LIMCH1: variants seen among roughly 807,000 people sequenced by gnomAD.
The protein encoded by LIMCH1 is LIM and calponin homology domains-containing protein 1.
In LIMCH1, 113 loss-of-function variants were observed where a neutral mutation model predicts 176.5. The ratio of observed to expected loss-of-function variants is 0.64; its 90% CI spans 0.55 to 0.75. The LOEUF is 0.75. LIMCH1 is among the 30% of genes least tolerant of loss of function. The pLI is 0.00. For synonymous variants in LIMCH1, 619 were observed against 645.9 expected, an observed-to-expected ratio of 0.96 and a Z score of 0.63; for missense variants, 1,674 against 1,814.9, an observed-to-expected ratio of 0.92 and a Z score of 1.41.
Position 41,415,545 on chromosome 4 carries a change from C to T in LIMCH1, c.96+54609C>T, listed in dbSNP as rs147361782. ...AGGAGAGGCCCAGGAGTCTGAAACC[C>T]AGCCTTGCCCATACAGCTGTCGTCT... is the stretch of plus-strand genomic sequence containing the variant. On this transcript the variant is annotated intron_variant, in intron 1 of 26. Coordinates refer to the LIMCH1 transcript ENST00000313860. 5.7e-3 allele frequency among the ~76,000 whole-genome samples: 865 copies of T among 152,260 alleles called. 8 individuals carry two copies. The highest frequency in any genetic ancestry group is 0.02 in the African/African-American group (812 of 41,536).
chr4:41,425,438 C>A (rs1428790060), intron 1 of LIMCH1, among the ~76,000 whole-genome samples: 1 of 152,224 alleles, frequency 6.6e-6, no homozygotes, highest in Non-Finnish European at 1.5e-5. Context: ...CCCCCGCCTC[C>A]CGGGTTCAAG....
intron 5 of LIMCH1, among the ~76,000 whole-genome samples, chr4:41,617,992 C>T (rs2092269966): frequency 1.3e-5 from 2 of 152,156 alleles, no homozygotes; most frequent in African/African-American, 4.8e-5. Context: ...GAAACTGAGG[C>T]TTAAAGTACT....
At chr4:41,590,310 C>T (rs1435555169) in intron 1 of LIMCH1, among the ~76,000 whole-genome samples, 3 of 152,038 alleles carry the variant, frequency 2.0e-5, no homozygotes, top group African/African-American at 4.8e-5. Flanking sequence ...AGGCTGGTCT[C>T]GAACTTCTGG....
At chr4:41,696,837 G>A (rs1286298870) in intron 31 of LIMCH1, among the ~76,000 whole-genome samples, 1 of 152,176 alleles carries the variant, frequency 6.6e-6, no homozygotes. Flanking sequence ...CAGAGGACAA[G>A]GTAGAAAACT....
chr4:41,434,092 C>T (rs1175400469), intron 1 of LIMCH1, among the ~76,000 whole-genome samples: 2 of 152,158 alleles, frequency 1.3e-5, no homozygotes, highest in East Asian at 3.9e-4. Flanking sequence ...GGAAGGGGCC[C>T]CAGGGCACTC....
At chr4:41,602,228 T>A (rs1024738337) in intron 2 of LIMCH1, among the ~76,000 whole-genome samples, 2 of 151,420 alleles carry the variant, frequency 1.3e-5, no homozygotes, top group Non-Finnish European at 2.9e-5. Flanking sequence ...ACAACCTTGA[T>A]GGGAAATGAA....
At chr4:41,597,023 C>G (rs549087179) in intron 1 of LIMCH1, among the ~76,000 whole-genome samples, 6 of 152,112 alleles carry the variant, frequency 3.9e-5, no homozygotes, top group African/African-American at 1.2e-4. Context: ...CTACCTCCCC[C>G]CAACCCCACC....
intron 1 of LIMCH1, among the ~76,000 whole-genome samples, chr4:41,552,431 A>G (rs1036736414): frequency 6.6e-6 from 1 of 152,166 alleles, no homozygotes; most frequent in Non-Finnish European, 1.5e-5. Context: ...TCTGAGAGGA[A>G]GAACACTCCA....
chr4:41,627,118 C>T (rs750292629), intron 8 of LIMCH1, 108 bp downstream of exon 8: 320 of 1,370,508 alleles, frequency 2.3e-4, no homozygotes, highest in Non-Finnish European at 2.9e-4. Flanking sequence ...GTACCCCCTC[C>T]AGTTCCTCTT....
intron 1 of LIMCH1, among the ~76,000 whole-genome samples, chr4:41,478,736 C>T (rs569153309): frequency 1.1e-4 from 17 of 152,308 alleles, no homozygotes; most frequent in Admixed American, 1.0e-3. Flanking sequence ...CTTCTTCCTT[C>T]CCATCCTCAT....
At chr4:41,632,925 G>C (rs1019784840) in intron 11 of LIMCH1, 52 bp from the exon 12 acceptor site, 1 of 1,528,960 alleles carries the variant, frequency 6.5e-7, no homozygotes, top group African/African-American at 1.4e-5. Context: ...TGGGGTCAGA[G>C]CCTCTGGTGT....
At chr4:41,579,541 C>T (rs372732924) in intron 1 of LIMCH1, among the ~76,000 whole-genome samples, 1 of 152,192 alleles carries the variant, frequency 6.6e-6, no homozygotes, top group Non-Finnish European at 1.5e-5. Flanking sequence ...GGCGTACAGA[C>T]GGTCATCGTT....
chr4:41,689,937 A>G (rs1195000065), intron 30 of LIMCH1, among the ~76,000 whole-genome samples: 1 of 152,154 alleles, frequency 6.6e-6, no homozygotes, highest in Non-Finnish European at 1.5e-5. Context: ...GCTCTTCCAA[A>G]TCTTTTAGGG....
intron 13 of LIMCH1, among the ~76,000 whole-genome samples, chr4:41,634,952 G>A (rs994282246): frequency 1.3e-5 from 2 of 152,166 alleles, no homozygotes; most frequent in African/African-American, 4.8e-5. Context: ...CTTCTGTAAA[G>A]CAAGTTAGAA....
chr4:41,543,422 A>T (rs1330690685), intron 1 of LIMCH1, among the ~76,000 whole-genome samples: 1 of 152,156 alleles, frequency 6.6e-6, no homozygotes, highest in Non-Finnish European at 1.5e-5. Flanking sequence ...CATTTAAGAA[A>T]ATTGGATTTT....
chr4:41,494,264 G>GT (rs2071622486), intron 1 of LIMCH1, among the ~76,000 whole-genome samples: 1 of 149,726 alleles, frequency 6.7e-6, no homozygotes, highest in Non-Finnish European at 1.5e-5. Context: ...AATGCCACCC[G>GT]TTTTTTTCAA....
intron 1 of LIMCH1, among the ~76,000 whole-genome samples, chr4:41,383,103 T>A (rs2055955499): frequency 6.6e-6 from 1 of 152,224 alleles, no homozygotes; most frequent in African/African-American, 2.4e-5. Flanking sequence ...GCTAATCTTT[T>A]TATCATTGAA....
rs893463308 is a variant in LIMCH1, at chr4:41,360,788, G to C, written c.-53G>C. ...GCGGGGAGCGCGCTCCTGCGGCGGC[G>C]ACGGCGGCGGCCGTCCTCATCCCGG... On this transcript the variant is annotated 5_prime_UTR_variant, in exon 1 of 27. Transcript: ENST00000313860. The surrounding 1 kb of genome is among the most constrained non-coding windows in gnomAD (Gnocchi z 4.5). 2.2e-6 allele frequency: 3 copies of C among 1,386,398 alleles called. No homozygotes were observed. The highest frequency in any genetic ancestry group is 1.5e-5 in the African/African-American group (1 of 65,516). 85.9% of individuals were successfully genotyped at this position (1,386,398 alleles called of 1,614,324 possible). A position where few individuals can be genotyped will look rare whatever the true frequency, so the allele number is the denominator to read the frequency against.
At chr4:41,475,300 C>A (rs899640044) in intron 1 of LIMCH1, among the ~76,000 whole-genome samples, 4 of 152,164 alleles carry the variant, frequency 2.6e-5, no homozygotes, top group African/African-American at 4.8e-5. Flanking sequence ...TGATAAAATT[C>A]TCCAATTTCA....
Sources: gnomAD v4.1 joint callset for allele counts (sites outside exome capture counted in the v4.1 genomes callset) on GRCh38, gnomAD v4.1.1 for gene constraint, Gnocchi (gnomAD v3.1) non-coding constraint, MANE v1.5 for transcripts, NCBI Gene and HGNC (gene_info 2026-07-23, HGNC 2026-07-21) for gene names.